Variants in BCKDHB observed in about 807,000 individuals in gnomAD.
BCKDHB encodes the protein 2-oxoisovalerate dehydrogenase subunit beta, mitochondrial.
BCKDHB carries 41 observed loss-of-function variants against 48.5 expected under a neutral mutation model. The observed-to-expected ratio is 0.85, with a 90% confidence interval of 0.66 to 1.10. BCKDHB has a LOEUF of 1.10. BCKDHB is among the 50% of genes least tolerant of loss of function. BCKDHB has a pLI of 0.00. For missense variants in BCKDHB, 496 were observed against 494.2 expected, an observed-to-expected ratio of 1.00 and a Z score of -0.03; for synonymous variants, 201 against 174.8, an observed-to-expected ratio of 1.15 and a Z score of -1.18.
At chr6:80,311,789 C>T (rs1750431766) in intron 9 of BCKDHB, among the ~76,000 whole-genome samples, 1 of 152,140 alleles carries the variant, frequency 6.6e-6, no homozygotes, top group African/African-American at 2.4e-5. Context: ...TTCTGTGTGT[C>T]TGTTTTTCTA....
chr6:80,399,942 A>G, the BCKDHB span, among the ~76,000 whole-genome samples: 2 of 152,134 alleles, frequency 1.3e-5, no homozygotes, highest in Non-Finnish European at 1.5e-5. Context: ...ACCTACAACT[A>G]TTTGATCCTT....
intron 8 of BCKDHB, among the ~76,000 whole-genome samples, chr6:80,245,130 T>G (rs1204445187): frequency 6.6e-6 from 1 of 152,134 alleles, no homozygotes; most frequent in African/African-American, 2.4e-5. Context: ...TGTAAAGTAC[T>G]TAGAACACTG....
intron 8 of BCKDHB, among the ~76,000 whole-genome samples, chr6:80,211,380 A>G (rs1470847194): frequency 2.0e-5 from 3 of 152,188 alleles, no homozygotes; most frequent in Admixed American, 6.5e-5. Context: ...CTTTGCCTAC[A>G]TAATATGTCC....
In BCKDHB at chr6:80,144,932, T is replaced by C. The variant is rs190480122; in HGVS notation, c.343+15703T>C. On this transcript the variant is annotated intron_variant, in intron 3 of 9. Transcript: ENST00000320393. The stretch of plus-strand genomic sequence containing the variant: ...AGTGCCACTGCTGTTGTTTTTTCCA[T>C]CCCACGTTTCATTTTCCCTAGAATA... Among the ~76,000 whole-genome samples the C allele has an allele frequency of 2.5e-3, 381 of 152,228 alleles. 2 individuals are homozygous for C. The highest frequency in any genetic ancestry group is 3.6e-3 in the Non-Finnish European group (246 of 67,998).
At chr6:80,384,754 A>G in the BCKDHB span, among the ~76,000 whole-genome samples, 3 of 152,132 alleles carry the variant, frequency 2.0e-5, no homozygotes, top group African/African-American at 2.4e-5. Context: ...TCAATACTCA[A>G]TAAATTCCTC....
intron 7 of BCKDHB, among the ~76,000 whole-genome samples, chr6:80,201,577 A>G (rs895795396): frequency 1.3e-5 from 2 of 152,134 alleles, no homozygotes; most frequent in African/African-American, 4.8e-5. Flanking sequence ...GCAAATGGCT[A>G]TAATCTTTTT....
intron 9 of BCKDHB, among the ~76,000 whole-genome samples, chr6:80,275,278 C>G (rs985686710): frequency 2.6e-5 from 4 of 152,046 alleles, no homozygotes; most frequent in African/African-American, 9.7e-5. Context: ...AGACAGGAGT[C>G]TTGAATAAAT....
At position 80,313,885 on chromosome 6, in the gene BCKDHB, A is replaced by G. The variant is rs9343981; in HGVS notation, c.1039-29779A>G. ...AGCTTGTTAACCTGAGATCTTTCCTAGCTTTTTTACGTGGGCATTTAGTGC... is the reference window on the plus strand; with the variant it reads ...AGCTTGTTAACCTGAGATCTTTCCTGGCTTTTTTACGTGGGCATTTAGTGC... On this transcript the variant is annotated intron_variant, in intron 9 of 9. Coordinates refer to ENST00000320393, the MANE Select transcript of BCKDHB (RefSeq NM_183050.4). Among the ~76,000 whole-genome samples the G allele has an allele frequency of 6.6e-5, 10 of 152,144 alleles. 1 individual carries two copies. In the East Asian group the frequency reaches 1.7e-3, roughly 27 times the overall value.
chr6:80,385,636 AAAT>A, the BCKDHB span, among the ~76,000 whole-genome samples: 1 of 152,156 alleles, frequency 6.6e-6, no homozygotes, highest in Non-Finnish European at 1.5e-5. Flanking sequence ...TTGCCAGGCA[AAAT>A]AATGTTGATT....
chr6:80,209,639 A>G (rs867428066), intron 8 of BCKDHB, among the ~76,000 whole-genome samples: 53 of 151,978 alleles, frequency 3.5e-4, no homozygotes, highest in Admixed American at 1.2e-3. Flanking sequence ...AAAAATAATT[A>G]TATTAACTCT....
At chr6:80,304,377 A>G (rs970972732) in intron 9 of BCKDHB, among the ~76,000 whole-genome samples, 15 of 152,260 alleles carry the variant, frequency 9.9e-5, no homozygotes, top group African/African-American at 3.6e-4. Flanking sequence ...GTTTCCTAAA[A>G]ATTCTGACTT....
the BCKDHB span, among the ~76,000 whole-genome samples, chr6:80,432,942 T>C: frequency 6.6e-6 from 1 of 152,178 alleles, no homozygotes; most frequent in Non-Finnish European, 1.5e-5. Flanking sequence ...TGCTGGAGTT[T>C]GCTGGAGGTC....
At chr6:80,197,620 T>G (rs1774190024) in intron 6 of BCKDHB, among the ~76,000 whole-genome samples, 1 of 152,254 alleles carries the variant, frequency 6.6e-6, no homozygotes, top group Admixed American at 6.5e-5. Flanking sequence ...AATCACCAGC[T>G]GGTAACTGAT....
rs886869008 is a variant in BCKDHB at position 80,134,680 on chromosome 6, G to A, written c.343+5451G>A. Among the ~76,000 whole-genome samples the A allele has an allele frequency of 2.6e-5, 4 of 151,930 alleles. No homozygotes were observed. The South Asian group carries it at 8.3e-4, about 31-fold the overall frequency. On this transcript the variant is annotated intron_variant, in intron 3 of 9. Transcript: ENST00000320393. Reference sequence around the variant, plus strand: ...GTTGTTATAGCATTTTGGAACCATGGGGTACCTTAGGCATTTAATTTAATT... The same window carrying A: ...GTTGTTATAGCATTTTGGAACCATGAGGTACCTTAGGCATTTAATTTAATT...
chr6:80,211,503 A>G (rs1168039311), intron 8 of BCKDHB, among the ~76,000 whole-genome samples: 2 of 152,186 alleles, frequency 1.3e-5, no homozygotes, highest in Non-Finnish European at 2.9e-5. Flanking sequence ...TGCCATAGGC[A>G]GAGTTGATAC....
chr6:80,343,706 T>G lies in BCKDHB; in HGVS notation c.1081T>G (p.Cys361Gly). Residue 361 changes from cysteine to glycine, a missense_variant, in exon 10 of 10, where the codon TGT becomes GGT. By Grantham distance (159) the Cys-to-Gly change is radical. Coordinates refer to ENST00000320393, the MANE Select transcript of BCKDHB (RefSeq NM_183050.4). ...CCTAGAGGCTCCTATATCAAGAGTA[T>G]GTGGTTATGACACACCATTTCCTCA... is the stretch of plus-strand genomic sequence containing the variant. Reference protein sequence around the residue: ...LNLEAPISRVCGYDTPFPHIF... With the variant: ...LNLEAPISRVGGYDTPFPHIF... 1 of 1,614,064 alleles carries G rather than the reference T, an allele frequency of 6.2e-7. No individual in the cohort carries two copies. Among genetic ancestry groups the G allele is most frequent in the Non-Finnish European group, 8.5e-7 (1 of 1,179,964 alleles).
intron 8 of BCKDHB, among the ~76,000 whole-genome samples, chr6:80,208,437 C>G (rs1774770237): frequency 1.3e-5 from 2 of 151,096 alleles, no homozygotes; most frequent in Non-Finnish European, 3.0e-5. Flanking sequence ...AAAATCAAAC[C>G]TAGAGAAAGT....
the BCKDHB span, among the ~76,000 whole-genome samples, chr6:80,389,725 T>G: frequency 6.6e-6 from 1 of 152,170 alleles, no homozygotes; most frequent in Non-Finnish European, 1.5e-5. Flanking sequence ...GAATGGCCTT[T>G]TGAAGTCACA....
At chr6:80,212,595 G>A (rs1461990279) in intron 8 of BCKDHB, among the ~76,000 whole-genome samples, 1 of 152,136 alleles carries the variant, frequency 6.6e-6, no homozygotes, top group Non-Finnish European at 1.5e-5. Flanking sequence ...ATAATTATCA[G>A]AGTGGTCCTG....
Sources: gnomAD v4.1 joint callset for allele counts (sites outside exome capture counted in the v4.1 genomes callset) on GRCh38, gnomAD v4.1.1 for gene constraint, MANE v1.5 for transcripts, NCBI Gene and HGNC (gene_info 2026-07-23, HGNC 2026-07-21) for gene names.